SDCBP2: variants seen among roughly 807,000 people sequenced by gnomAD.
The protein encoded by SDCBP2 is syntenin-2.
In SDCBP2, 28 loss-of-function variants were observed where a neutral mutation model predicts 30.7. The observed-to-expected ratio is 0.91, with a 90% CI of 0.68 to 1.25. The LOEUF is 1.25. Ranked by LOEUF, SDCBP2 falls within the 50% of genes most tolerant of loss-of-function variation. The probability of loss-of-function intolerance (pLI) is 0.00; values close to 1 mark genes in which losing one functional copy is unlikely to be tolerated. For missense variants in SDCBP2, 399 were observed against 379.0 expected, an observed-to-expected ratio of 1.05 and a Z score of -0.44; for synonymous variants, 166 against 157.3, an observed-to-expected ratio of 1.06 and a Z score of -0.41.
chr20:1,311,954 C>T (rs1160371976), intron 7 of SDCBP2, among the ~76,000 whole-genome samples: 1 of 135,842 alleles, frequency 7.4e-6, no homozygotes, highest in Non-Finnish European at 1.5e-5. Context: ...GGCTGGAGTG[C>T]AGTGGCATGA....
At position 1,312,465 on chromosome 20, in the gene SDCBP2, G is replaced by T; in HGVS notation, c.604C>A (p.His202Asn). Residue 202 changes from histidine (H) to asparagine (N), a missense_variant, in exon 7 of 9, where the codon CAC becomes AAC. Physicochemically the swap from His to Asn is moderately conservative, Grantham distance 68. Transcript: ENST00000360779. Reference sequence around the variant, plus strand: ...CCCTTCTTGATCACGAAGCCGACGTGGCCCATGCTGTCCTTGTGCATGGTG... The same window carrying T: ...CCCTTCTTGATCACGAAGCCGACGTTGCCCATGCTGTCCTTGTGCATGGTG... The part of the protein sequence containing the change: ...TVTMHKDSMG[H>N]VGFVIKKGKI... 6.2e-7 allele frequency: 1 copy of T among 1,614,126 alleles called. No individual in the cohort carries two copies. Among genetic ancestry groups the T allele is most frequent in the Non-Finnish European group, 8.5e-7 (1 of 1,180,008 alleles).
chr20:1,312,935 G>T, intron 5 of SDCBP2, 173 bp from the exon 6 acceptor site: 1 of 686,436 alleles, frequency 1.5e-6, no homozygotes, highest in Non-Finnish European at 2.4e-6. Flanking sequence ...AACACTCTAG[G>T]CCTCATAGTT....
chr20:1,315,299 A>AC (rs1446141276), intron 4 of SDCBP2, among the ~76,000 whole-genome samples: 1 of 152,094 alleles, frequency 6.6e-6, no homozygotes, highest in Non-Finnish European at 1.5e-5. Context: ...GGAGGACAAC[A>AC]CAGGGAGATC....
rs1301996525 is a variant in SDCBP2 at position 1,324,563 on chromosome 20, A to G, written c.-19-4128T>C. On this transcript the variant is annotated intron_variant, in intron 1 of 8. Coordinates refer to ENST00000360779, the MANE Select transcript of SDCBP2 (RefSeq NM_080489.5). The surrounding 1 kb of genome is among the most constrained non-coding windows in gnomAD (Gnocchi z 4.7). ...TGCCAAACTTTCAAGTAAGCCAAAA[A>G]TCCGTTATAATTGGTTGTACATACA... is the stretch of plus-strand genomic sequence containing the variant. Among the ~76,000 whole-genome samples, 1 of 152,162 alleles carries G rather than the reference A, an allele frequency of 6.6e-6. No homozygotes were observed. The highest frequency in any genetic ancestry group is 1.5e-5 in the Non-Finnish European group (1 of 68,046).
In SDCBP2 at chr20:1,318,366, G is replaced by A. The variant is rs989389576; in HGVS notation, c.177C>T (p.Ser59=). The A allele has an allele frequency of 6.2e-7, 1 of 1,613,382 alleles. No homozygotes were observed. The highest frequency in any genetic ancestry group is 8.5e-7 in the Non-Finnish European group (1 of 1,179,734). ...GCAGGCTCTCCTGGACTTCTTGGCTGGAGAGGGAAAGACCCATATAATTTT... is the reference window on the plus strand; with the variant it reads ...GCAGGCTCTCCTGGACTTCTTGGCTAGAGAGGGAAAGACCCATATAATTTT... ...ELENYMGLSL[S]SQEVQESLLQ... Residue 59 remains serine, a synonymous_variant, in exon 4 of 9, where the codon TCC becomes TCT. Coordinates refer to ENST00000360779, the MANE Select transcript of SDCBP2 (RefSeq NM_080489.5).
In SDCBP2 at chr20:1,312,699, C is replaced by T; in HGVS notation, c.448G>A (p.Asp150Asn). Residue 150 changes from aspartate to asparagine, a missense_variant, in exon 6 of 9, where the codon GAC (aspartate) becomes AAC (asparagine). By Grantham distance (23) the Asp-to-Asn change is conservative. Transcript: ENST00000360779. ...PASLVGLRFG[D>N]QLLQIDGRDC... ...CGCCCGTCAATCTGCAGGAGCTGGT[C>T]CCCAAAGCGCAGCCCCACAAGGGAT... The T allele has an allele frequency of 1.2e-6, 2 of 1,614,132 alleles. No homozygotes were observed. The highest frequency in any genetic ancestry group is 1.1e-5 in the South Asian group (1 of 91,086).
rs1427226363 is a variant in SDCBP2, at chr20:1,310,832, G to C, written c.792C>G (p.Ile264Met). The change falls in exon 8 of 9, where the codon ATC (isoleucine) becomes ATG (methionine). Residue 264 changes from isoleucine to methionine, a missense_variant. Coordinates refer to ENST00000360779, the MANE Select transcript of SDCBP2 (RefSeq NM_080489.5). ...TAGNVVTLTI[I>M]PSVIYEHMVK... ...CCATGTGCTCGTAGATCACACTGGG[G>C]ATGATGGTCAGGGTGACAACGTTCC... The C allele has an allele frequency of 6.2e-7, 1 of 1,614,046 alleles. No homozygotes were observed.
intron 4 of SDCBP2, 40 bp downstream of exon 4, chr20:1,318,278 G>A: frequency 7.4e-7 from 1 of 1,351,442 alleles, no homozygotes; most frequent in Non-Finnish European, 1.1e-6. Context: ...GGAGGATTGG[G>A]AGGTTCTGCG....
In SDCBP2 at chr20:1,312,498, G is replaced by A. The variant is rs781260947; in HGVS notation, c.571C>T (p.Arg191Trp). 224 of 1,613,988 alleles carry A rather than the reference G, an allele frequency of 1.4e-4. No homozygotes were observed. The highest frequency in any genetic ancestry group is 1.7e-4 in the Non-Finnish European group (204 of 1,180,020). Residue 191 changes from arginine (R) to tryptophan (W), a missense_variant, in exon 7 of 9, where the codon CGG becomes TGG. Arg to Trp is a moderately radical substitution (Grantham distance 101). Coordinates refer to ENST00000360779, the MANE Select transcript of SDCBP2 (RefSeq NM_080489.5). ...CTGTCCTTGTGCATGGTGACAGTCC[G>A]CTGGAACGGCCTGGCAGGAGGGACA... Reference protein sequence around the residue: ...VVVVRDRPFQRTVTMHKDSMG... With the variant: ...VVVVRDRPFQWTVTMHKDSMG...
At position 1,313,223 on chromosome 20, in the gene SDCBP2, G is replaced by T; in HGVS notation, c.384+117C>A. On this transcript the variant is annotated intron_variant, in intron 5 of 8. Coordinates refer to ENST00000360779, the MANE Select transcript of SDCBP2 (RefSeq NM_080489.5). The surrounding 1 kb of genome is among the most constrained non-coding windows in gnomAD (Gnocchi z 5.2). ...CTGGGGGCAAGAGCCTGGCCGCTGG[G>T]GTTAGGAGGCCCGCTCTGCACCTTC... 1 of 1,110,916 alleles carries T rather than the reference G, an allele frequency of 9.0e-7. No homozygotes were observed. Among genetic ancestry groups the T allele is most frequent in the Non-Finnish European group, 1.3e-6 (1 of 770,924 alleles). 68.8% of individuals were successfully genotyped at this position (1,110,916 alleles called of 1,614,324 possible).
chr20:1,313,728 G>T lies in SDCBP2; in HGVS notation c.226-230C>A. ...AAAAGCCAGGAAAACGGGGAGGGAA[G>T]GGGCGAGGATACAGGAAGAGGCCCT... On this transcript the variant is annotated intron_variant, in intron 4 of 8. Coordinates refer to ENST00000360779, the MANE Select transcript of SDCBP2 (RefSeq NM_080489.5). The surrounding 1 kb of genome is among the most constrained non-coding windows in gnomAD (Gnocchi z 5.2). 8.2e-7 allele frequency: 1 copy of T among 1,221,180 alleles called. No individual in the cohort carries two copies. Among genetic ancestry groups the T allele is most frequent in the East Asian group, 3.1e-5 (1 of 32,404 alleles). 75.6% of individuals were successfully genotyped at this position (1,221,180 alleles called of 1,614,324 possible).
intron 3 of SDCBP2, among the ~76,000 whole-genome samples, chr20:1,319,124 A>G (rs2088819236): frequency 1.3e-5 from 2 of 152,190 alleles, no homozygotes; most frequent in Admixed American, 1.3e-4. Context: ...GGCCAGCCAT[A>G]GTTCCAGCAA....
At chr20:1,315,830 C>T (rs2088768488) in intron 4 of SDCBP2, among the ~76,000 whole-genome samples, 5 of 152,168 alleles carry the variant, frequency 3.3e-5, no homozygotes. Context: ...ACATAAACCA[C>T]ACATCTGACA....
rs2088895285 is a variant in SDCBP2, at chr20:1,324,705, C to G, written c.-19-4270G>C. ...CCATTCTGGAAAATCGCTGCCCACC[C>G]TGCTCCCCACGGGTGAGTCACCCGA... On this transcript the variant is annotated intron_variant, in intron 1 of 8. Transcript: ENST00000360779. This position sits in a 1 kb window ranked among gnomAD's most constrained non-coding sequence, Gnocchi z 4.7. Among the ~76,000 whole-genome samples the G allele has an allele frequency of 6.6e-6, 1 of 152,214 alleles. No homozygotes were observed. The highest frequency in any genetic ancestry group is 6.5e-5 in the Admixed American group (1 of 15,286).
At chr20:1,315,631 A>T (rs2088765895) in intron 4 of SDCBP2, among the ~76,000 whole-genome samples, 2 of 152,224 alleles carry the variant, frequency 1.3e-5, no homozygotes, top group South Asian at 4.1e-4. Flanking sequence ...AAATTAACCC[A>T]AATTCAATCA....
chr20:1,313,235 C>T lies in SDCBP2; in HGVS notation c.384+105G>A, dbSNP rs893389558. 6 of 1,237,292 alleles carry T rather than the reference C, an allele frequency of 4.8e-6. No homozygotes were observed. The highest frequency in any genetic ancestry group is 6.8e-6 in the Non-Finnish European group (6 of 881,232). The allele number at this position is 1,237,292 out of a possible 1,614,324, so 76.6% of individuals were successfully genotyped here. On this transcript the variant is annotated intron_variant, in intron 5 of 8. Coordinates refer to ENST00000360779, the MANE Select transcript of SDCBP2 (RefSeq NM_080489.5). This position sits in a 1 kb window ranked among gnomAD's most constrained non-coding sequence, Gnocchi z 5.2. The stretch of plus-strand genomic sequence containing the variant: ...GCCTGGCCGCTGGGGTTAGGAGGCC[C>T]GCTCTGCACCTTCCTTACTGTGGAC...
rs1273985434 is a variant in SDCBP2 at position 1,320,401 on chromosome 20, G to A, written c.16C>T (p.Pro6Ser). MSSLYPSLEDLKVDQA... is the reference protein window; with the variant it reads MSSLYSSLEDLKVDQA... ...TCCACTTTTAGGTCCTCTAGAGATG[G>A]GTACAGGGATGACATGGCTGATTCT... is the stretch of plus-strand genomic sequence containing the variant. Residue 6 changes from proline to serine, a missense_variant, in exon 2 of 9, where the codon CCA becomes TCA. Transcript: ENST00000360779. The surrounding 1 kb of genome is among the most constrained non-coding windows in gnomAD (Gnocchi z 4.7). 6.2e-7 allele frequency: 1 copy of A among 1,613,980 alleles called. No homozygotes were observed. Among genetic ancestry groups the A allele is most frequent in the South Asian group, 1.1e-5 (1 of 91,074 alleles).
intron 4 of SDCBP2, 162 bp downstream of exon 4, chr20:1,318,156 C>G (rs759159036): frequency 1.5e-6 from 1 of 665,850 alleles, no homozygotes; most frequent in South Asian, 1.5e-5. Flanking sequence ...TTTCGTGAAG[C>G]CTCAAAATGA....
rs2088850198 is a variant in SDCBP2, at chr20:1,321,481, T to A, written c.-19-1046A>T. On this transcript the variant is annotated intron_variant, in intron 1 of 8. Transcript: ENST00000360779. The surrounding 1 kb of genome is among the most constrained non-coding windows in gnomAD (Gnocchi z 5.2). Reference sequence around the variant, plus strand: ...CCTTCTTGTCTGTCATCAAATCCCATCTCTCCCACATCCCGTGTTGTGCAG... The same window carrying A: ...CCTTCTTGTCTGTCATCAAATCCCAACTCTCCCACATCCCGTGTTGTGCAG... 1 of 153,352 alleles carries A rather than the reference T, an allele frequency of 6.5e-6. No individual in the cohort carries two copies. The highest frequency in any genetic ancestry group is 2.4e-5 in the African/African-American group (1 of 41,450). The allele number at this position is 153,352 out of a possible 1,614,324, so 9.5% of individuals were successfully genotyped here.
Sources: gnomAD v4.1 joint callset for allele counts (sites outside exome capture counted in the v4.1 genomes callset) on GRCh38, gnomAD v4.1.1 for gene constraint, Gnocchi (gnomAD v3.1) non-coding constraint, MANE v1.5 for transcripts, NCBI Gene and HGNC (gene_info 2026-07-23, HGNC 2026-07-21) for gene names.